RBPMS: variants seen among roughly 807,000 people sequenced by gnomAD.
RBPMS encodes the protein RNA-binding protein with multiple splicing.
Under a neutral mutation model 26.8 loss-of-function variants are expected in RBPMS, and 7 were observed. The observed-to-expected ratio is 0.26, with a 90% CI of 0.15 to 0.49. RBPMS has a LOEUF of 0.49. Ranked by LOEUF, RBPMS falls within the 20% of genes least tolerant of loss-of-function variation. The pLI, the probability that RBPMS is intolerant of heterozygous loss-of-function variation, is 0.98. For missense variants in RBPMS, 186 were observed against 250.0 expected (o/e 0.74, Z 1.73); for synonymous variants, 96 against 93.3 (o/e 1.03, Z -0.17).
At chr8:30,494,786 T>C (rs1393075282) in intron 4 of RBPMS, among the ~76,000 whole-genome samples, 1 of 152,218 alleles carries the variant, frequency 6.6e-6, no homozygotes, top group Non-Finnish European at 1.5e-5. Context: ...ACCAAGACCT[T>C]CTTCTCCTGG....
chr8:30,434,496 A>C (rs144968503), intron 1 of RBPMS, among the ~76,000 whole-genome samples: 2 of 152,108 alleles, frequency 1.3e-5, no homozygotes, highest in Non-Finnish European at 2.9e-5. Context: ...TTGAGGTCAG[A>C]AGTTCGAGAC....
At position 30,384,616 on chromosome 8, in the gene RBPMS, G is replaced by GCTCCTCCTCCTCCTCTTC. The variant is rs1272908723; in HGVS notation, c.-460_-443dup. Reference sequence around the variant, plus strand: ...GCCGCGGCCCGCGCTCCTCCGCCCCGCTCCTCCTCCTCCTCTTCCTCCTCC... The same window carrying GCTCCTCCTCCTCCTCTTC: ...GCCGCGGCCCGCGCTCCTCCGCCCCGCTCCTCCTCCTCCTCTTCCTCCTCCTCCTCCTCTTCCTCCTCC... On this transcript the variant is annotated 5_prime_UTR_variant, in exon 1 of 9. Coordinates refer to ENST00000397323, the MANE Select transcript of RBPMS (RefSeq NM_001008710.3). The surrounding 1 kb of genome is among the most constrained non-coding windows in gnomAD (Gnocchi z 5.6). 7 of 156,546 alleles carry GCTCCTCCTCCTCCTCTTC rather than the reference G, an allele frequency of 4.5e-5. No homozygotes were observed. Among genetic ancestry groups the GCTCCTCCTCCTCCTCTTC allele is most frequent in the Non-Finnish European group, 9.7e-5 (7 of 72,370 alleles). The allele number at this position is 156,546 out of a possible 1,614,324, so 9.7% of individuals were successfully genotyped here. A position where few individuals can be genotyped will look rare whatever the true frequency, so the allele number is the denominator to read the frequency against.
At chr8:30,526,258 T>C (rs892503814) in intron 5 of RBPMS, among the ~76,000 whole-genome samples, 6 of 152,240 alleles carry the variant, frequency 3.9e-5, no homozygotes, top group African/African-American at 1.4e-4. Context: ...CTTCAGGCTT[T>C]TTGCTTAGAG....
In RBPMS at chr8:30,440,794, C is replaced by CTT. The variant is rs34107190; in HGVS notation, c.67-33971_67-33970dup. Among the ~76,000 whole-genome samples, 232 of 143,578 alleles carry CTT rather than the reference C, an allele frequency of 1.6e-3. 1 individual carries two copies. The highest frequency in any genetic ancestry group is 5.6e-3 in the African/African-American group (218 of 38,908). 94.2% of individuals were successfully genotyped at this position (143,578 alleles called of 152,430 possible). ...TCTTTGAGAACACTTATTTTTTTAA[C>CTT]TTTTTTTTTTTTTTTAAGAGATAGG... On this transcript the variant is annotated intron_variant, in intron 1 of 8. Coordinates refer to ENST00000397323, the MANE Select transcript of RBPMS (RefSeq NM_001008710.3).
intron 1 of RBPMS, among the ~76,000 whole-genome samples, chr8:30,458,603 C>T (rs572141001): frequency 3.3e-4 from 50 of 152,252 alleles, no homozygotes; most frequent in African/African-American, 9.4e-4. Context: ...TAGATTTAGT[C>T]ATGGCTGTTA....
At chr8:30,555,412 T>C (rs1826776271) in intron 6 of RBPMS, among the ~76,000 whole-genome samples, 2 of 152,186 alleles carry the variant, frequency 1.3e-5, no homozygotes, top group Non-Finnish European at 2.9e-5. Flanking sequence ...TCACAGGCTG[T>C]GTGAAGTGCT....
At chr8:30,549,715 TC>T (rs1826142649) in intron 6 of RBPMS, 2 of 628,532 alleles carry the variant, frequency 3.2e-6, no homozygotes, top group Non-Finnish European at 5.7e-6. Flanking sequence ...CCCAGGCCCT[TC>T]CTGGAGGCGA....
At chr8:30,500,463 T>C (rs1820446246) in intron 4 of RBPMS, among the ~76,000 whole-genome samples, 1 of 152,096 alleles carries the variant, frequency 6.6e-6, no homozygotes, top group Admixed American at 6.6e-5. Context: ...CTAAAACTCA[T>C]TGTCAAGGAC....
At chr8:30,521,343 GA>G (rs1389129467) in intron 5 of RBPMS, among the ~76,000 whole-genome samples, 2 of 152,184 alleles carry the variant, frequency 1.3e-5, no homozygotes, top group African/African-American at 4.8e-5. Flanking sequence ...GGCTTTCTAG[GA>G]CCAAGACAGT....
At chr8:30,521,168 G>C (rs1223172819) in intron 5 of RBPMS, among the ~76,000 whole-genome samples, 1 of 152,180 alleles carries the variant, frequency 6.6e-6, no homozygotes, top group East Asian at 1.9e-4. Flanking sequence ...GCCATTGATG[G>C]AGCATTCCTG....
chr8:30,518,715 T>TTTTTTTTTTTC lies in RBPMS; in HGVS notation c.397+14279_397+14280insTTTTTTTTTTC, dbSNP rs1554533805. Among the ~76,000 whole-genome samples the TTTTTTTTTTTC allele has an allele frequency of 6.2e-5, 8 of 129,976 alleles. 1 individual carries two copies. Among genetic ancestry groups the TTTTTTTTTTTC allele is most frequent in the African/African-American group, 2.3e-4 (7 of 31,038 alleles). 85.3% of individuals were successfully genotyped at this position (129,976 alleles called of 152,430 possible). A position where few individuals can be genotyped will look rare whatever the true frequency, so the allele number is the denominator to read the frequency against. On this transcript the variant is annotated intron_variant, in intron 5 of 8. Coordinates refer to ENST00000397323, the MANE Select transcript of RBPMS (RefSeq NM_001008710.3). ...TTTTTTTTTTTTTTTTTTTTTTTTT[T>TTTTTTTTTTTC]CTGAAAAGGAGTATGATTTTTAGCT... is the stretch of plus-strand genomic sequence containing the variant.
At chr8:30,413,768 C>T (rs1184657551) in intron 1 of RBPMS, among the ~76,000 whole-genome samples, 5 of 152,140 alleles carry the variant, frequency 3.3e-5, no homozygotes, top group Admixed American at 3.3e-4. Context: ...CATGTGCCAC[C>T]ACGCCTGGCT....
At chr8:30,461,641 C>T (rs1429940103) in intron 1 of RBPMS, among the ~76,000 whole-genome samples, 1 of 152,150 alleles carries the variant, frequency 6.6e-6, no homozygotes, top group Non-Finnish European at 1.5e-5. Flanking sequence ...GTGTTCCACC[C>T]GCCTTGACCT....
chr8:30,413,890 C>T (rs967564541), intron 1 of RBPMS, among the ~76,000 whole-genome samples: 1 of 152,098 alleles, frequency 6.6e-6, no homozygotes, highest in South Asian at 2.1e-4. Flanking sequence ...GGATTACAGG[C>T]GTGAGCCGCA....
At chr8:30,567,609 T>G (rs1226681741) in intron 8 of RBPMS, among the ~76,000 whole-genome samples, 3 of 151,264 alleles carry the variant, frequency 2.0e-5, no homozygotes, top group Admixed American at 6.6e-5. Context: ...TTTTTTCCAC[T>G]TATGCAATTT....
chr8:30,484,202 TG>T (rs1818555355), intron 4 of RBPMS, among the ~76,000 whole-genome samples: 2 of 152,212 alleles, frequency 1.3e-5, no homozygotes, highest in Admixed American at 1.3e-4. Flanking sequence ...ATTAAAAACT[TG>T]TTCCTGTTTG....
At chr8:30,423,430 G>T (rs1416070402) in intron 1 of RBPMS, among the ~76,000 whole-genome samples, 2 of 152,158 alleles carry the variant, frequency 1.3e-5, no homozygotes, top group African/African-American at 4.8e-5. Flanking sequence ...GGACAGTGAG[G>T]GCTGGGCTGC....
intron 5 of RBPMS, among the ~76,000 whole-genome samples, chr8:30,520,599 G>A (rs1026320366): frequency 1.3e-5 from 2 of 152,100 alleles, no homozygotes; most frequent in East Asian, 3.9e-4. Context: ...CATTAGAGGT[G>A]CTTCCCTAGG....
At chr8:30,444,548 A>G (rs928746493) in intron 1 of RBPMS, 2 of 152,194 alleles carry the variant, frequency 1.3e-5, no homozygotes, top group Non-Finnish European at 2.9e-5. Context: ...AATTCTTCCT[A>G]TACTTTATGA....
Sources: gnomAD v4.1 joint callset for allele counts (sites outside exome capture counted in the v4.1 genomes callset) on GRCh38, gnomAD v4.1.1 for gene constraint, Gnocchi (gnomAD v3.1) non-coding constraint, MANE v1.5 for transcripts, NCBI Gene and HGNC (gene_info 2026-07-23, HGNC 2026-07-21) for gene names.